Variants in MNAT1 observed in about 807,000 individuals in gnomAD.
MNAT1 encodes the protein CDK-activating kinase assembly factor MAT1.
In MNAT1, 43 loss-of-function variants were observed where a neutral mutation model predicts 42.0. The ratio of observed to expected loss-of-function variants is 1.02; its 90% CI spans 0.80 to 1.32. The LOEUF (loss-of-function observed/expected upper bound fraction) is 1.32. Among genes scored for constraint, MNAT1 ranks in the 40% most tolerant of loss-of-function variants. The probability of loss-of-function intolerance (pLI) is 0.00; values close to 1 mark genes in which losing one functional copy is unlikely to be tolerated. For missense variants in MNAT1, 306 were observed against 350.4 expected, an observed-to-expected ratio of 0.87 and a Z score of 1.01; for synonymous variants, 118 against 120.0, an observed-to-expected ratio of 0.98 and a Z score of 0.11.
At chr14:60,789,950 C>CT (rs146467542) in intron 1 of MNAT1, among the ~76,000 whole-genome samples, 2,025 of 151,364 alleles carry the variant, frequency 0.013, 44 homozygotes, top group African/African-American at 0.046. Flanking sequence ...CTTTTTCTTT[C>CT]TTTTTTTTTC....
chr14:60,810,950 T>C (rs1446552204), intron 4 of MNAT1, among the ~76,000 whole-genome samples: 1 of 152,252 alleles, frequency 6.6e-6, no homozygotes, highest in Non-Finnish European at 1.5e-5. Flanking sequence ...CATTACTGAA[T>C]GTGAGTTAAG....
chr14:60,953,479 A>C (rs890046823), intron 7 of MNAT1, among the ~76,000 whole-genome samples: 9 of 152,290 alleles, frequency 5.9e-5, no homozygotes, highest in East Asian at 5.8e-4. Context: ...TACTATTAGC[A>C]GAGGGTAAAA....
chr14:60,891,215 G>C (rs1330284461), intron 7 of MNAT1, among the ~76,000 whole-genome samples: 1 of 151,876 alleles, frequency 6.6e-6, no homozygotes, highest in Admixed American at 6.6e-5. Context: ...ACTAATTTAA[G>C]TCTTCTCTCG....
chr14:60,754,160 A>C (rs758477095), intron 1 of MNAT1, among the ~76,000 whole-genome samples: 69 of 152,286 alleles, frequency 4.5e-4, no homozygotes, highest in Non-Finnish European at 7.8e-4. Flanking sequence ...GACACTGAGA[A>C]ATTTTGTGAG....
chr14:60,953,811 G>A (rs1422242243), intron 7 of MNAT1, among the ~76,000 whole-genome samples: 1 of 151,994 alleles, frequency 6.6e-6, no homozygotes, highest in Non-Finnish European at 1.5e-5. Flanking sequence ...CTTTTTCATA[G>A]TAGCCATCCT....
intron 1 of MNAT1, among the ~76,000 whole-genome samples, chr14:60,779,603 T>C (rs1457659316): frequency 6.6e-6 from 1 of 152,006 alleles, no homozygotes; most frequent in East Asian, 1.9e-4. Context: ...CTGACCAACA[T>C]GGTGAGACCC....
chr14:60,857,941 A>C (rs904006609), intron 6 of MNAT1, among the ~76,000 whole-genome samples: 1 of 152,110 alleles, frequency 6.6e-6, no homozygotes, highest in African/African-American at 2.4e-5. Context: ...TCCATGGTGT[A>C]TATGTGCCAC....
At chr14:60,855,531 C>T (rs1176463941) in intron 6 of MNAT1, among the ~76,000 whole-genome samples, 1 of 152,134 alleles carries the variant, frequency 6.6e-6, no homozygotes, top group Non-Finnish European at 1.5e-5. Context: ...CACAGTCTCT[C>T]ACAGCTTCCC....
intron 7 of MNAT1, among the ~76,000 whole-genome samples, chr14:60,890,196 C>T (rs1420787469): frequency 6.6e-6 from 1 of 152,140 alleles, no homozygotes; most frequent in Non-Finnish European, 1.5e-5. Flanking sequence ...GACTTGGAAC[C>T]AAGCCAAATG....
intron 6 of MNAT1, among the ~76,000 whole-genome samples, chr14:60,841,138 T>TCTCTCTCC (rs1332767007): frequency 6.6e-6 from 1 of 151,304 alleles, no homozygotes; most frequent in African/African-American, 2.4e-5. Context: ...TCTCTCTTTC[T>TCTCTCTCC]CTCTCTCCCT....
intron 6 of MNAT1, among the ~76,000 whole-genome samples, chr14:60,862,359 A>G (rs1408637840): frequency 6.6e-6 from 1 of 152,250 alleles, no homozygotes; most frequent in Non-Finnish European, 1.5e-5. Flanking sequence ...TCTTTGTGCA[A>G]TTAAGAGAAA....
chr14:60,804,484 CT>C (rs1483037801), intron 3 of MNAT1, among the ~76,000 whole-genome samples: 1 of 151,862 alleles, frequency 6.6e-6, no homozygotes, highest in Non-Finnish European at 1.5e-5. Context: ...AATTATTTTA[CT>C]TTTTTTGGAA....
intron 7 of MNAT1, among the ~76,000 whole-genome samples, chr14:60,880,516 T>C (rs897556036): frequency 2.0e-5 from 3 of 152,022 alleles, no homozygotes; most frequent in African/African-American, 7.2e-5. Context: ...ATCCAGAAAC[T>C]GTTGTTGCTT....
chr14:60,886,334 G>A (rs2034670082), intron 7 of MNAT1, among the ~76,000 whole-genome samples: 1 of 151,906 alleles, frequency 6.6e-6, no homozygotes, highest in African/African-American at 2.4e-5. Context: ...ACTGCTTTTG[G>A]TAGTATGGAC....
chr14:60,889,012 G>C (rs1450832659), intron 7 of MNAT1, among the ~76,000 whole-genome samples: 7 of 137,174 alleles, frequency 5.1e-5, no homozygotes, highest in Admixed American at 3.0e-4. Context: ...TTGTGAAAAT[G>C]GCCATACTGC....
intron 7 of MNAT1, among the ~76,000 whole-genome samples, chr14:60,906,244 G>T (rs1337373789): frequency 6.6e-6 from 1 of 152,184 alleles, no homozygotes; most frequent in Non-Finnish European, 1.5e-5. Flanking sequence ...AGGTTTTTAT[G>T]TAAGGGGGCA....
In MNAT1 at chr14:60,779,958, C is replaced by T. The variant is rs1304271624; in HGVS notation, c.90-16259C>T. On this transcript the variant is annotated intron_variant, in intron 1 of 7. Coordinates refer to ENST00000261245, the MANE Select transcript of MNAT1 (RefSeq NM_002431.4). ...AAAGCGCGTGCCTTTGTTTGTGTCC[C>T]TGGCCATGTGTCCCTGGCCATGGCG... The T allele has an allele frequency of 2.7e-6, 4 of 1,505,888 alleles. No homozygotes were observed. In the African/African-American group the frequency reaches 5.5e-5, roughly 21 times the overall value. 93.3% of individuals were successfully genotyped at this position (1,505,888 alleles called of 1,614,324 possible).
At chr14:60,907,296 G>C (rs1022058153) in intron 7 of MNAT1, among the ~76,000 whole-genome samples, 2 of 151,926 alleles carry the variant, frequency 1.3e-5, no homozygotes, top group African/African-American at 4.8e-5. Flanking sequence ...AGCCGGGTGT[G>C]GTGGCACGCG....
rs556079957 is a variant in MNAT1, at chr14:60,785,563, C to A, written c.90-10654C>A. Among the ~76,000 whole-genome samples the A allele has an allele frequency of 9.2e-5, 14 of 152,248 alleles. No individual in the cohort carries two copies. The South Asian group carries it at 2.9e-3, about 32-fold the overall frequency. ...TGAGTTAAGCATTGCTTGTCATAAA[C>A]CAAATACAGTTCTTGCCTTCATAGC... On this transcript the variant is annotated intron_variant, in intron 1 of 7. Transcript: ENST00000261245.
Sources: gnomAD v4.1 joint callset for allele counts (sites outside exome capture counted in the v4.1 genomes callset) on GRCh38, gnomAD v4.1.1 for gene constraint, MANE v1.5 for transcripts, NCBI Gene and HGNC (gene_info 2026-07-23, HGNC 2026-07-21) for gene names.